CAST: variants seen among roughly 807,000 people sequenced by gnomAD.
CAST encodes calpastatin, also known as MIR583 host.
A neutral mutation model predicts 119.6 loss-of-function variants in CAST; 76 were observed. The observed-to-expected ratio is 0.64, with a 90% CI of 0.53 to 0.77. The LOEUF (loss-of-function observed/expected upper bound fraction) is 0.77, where lower values mean the gene tolerates loss of function less well. Ranked by LOEUF, CAST falls within the 30% of genes least tolerant of loss-of-function variation. The pLI is 0.00. For missense variants in CAST, 953 were observed against 946.5 expected, an observed-to-expected ratio of 1.01 and a Z score of -0.09; for synonymous variants, 319 against 331.6, an observed-to-expected ratio of 0.96 and a Z score of 0.41.
the CAST span, among the ~76,000 whole-genome samples, chr5:96,131,293 T>C: frequency 2.9e-3 from 444 of 152,180 alleles, 4 homozygotes; most frequent in African/African-American, 0.01. Flanking sequence ...AGTGTGATAG[T>C]ATTTTTAAAA....
At chr5:96,123,021 G>A in the CAST span, among the ~76,000 whole-genome samples, 1 of 152,084 alleles carries the variant, frequency 6.6e-6, no homozygotes, top group Non-Finnish European at 1.5e-5. Context: ...TCAGGATGTA[G>A]TAGGCATTCT....
At chr5:96,370,380 A>G in the CAST span, among the ~76,000 whole-genome samples, 2 of 152,132 alleles carry the variant, frequency 1.3e-5, no homozygotes, top group Non-Finnish European at 2.9e-5. Context: ...AAGCAGCTGT[A>G]ACAGGGTAGT....
the CAST span, chr5:96,422,047 T>C: frequency 3.5e-5 from 26 of 753,264 alleles, no homozygotes; most frequent in African/African-American, 5.5e-5. Flanking sequence ...TCTTACCCTA[T>C]GCCTTCCCAT....
the CAST span, among the ~76,000 whole-genome samples, chr5:96,316,878 G>T: frequency 6.6e-6 from 1 of 152,176 alleles, no homozygotes; most frequent in Non-Finnish European, 1.5e-5. Context: ...GTTTTACTCT[G>T]GCTCTTCTCA....
At chr5:96,264,674 T>C in the CAST span, among the ~76,000 whole-genome samples, 5 of 152,362 alleles carry the variant, frequency 3.3e-5, no homozygotes, top group East Asian at 9.6e-4. Context: ...TGAATATTCC[T>C]ATTCATCCTG....
At chr5:96,539,516 G>A (rs570053197) in intron 1 of CAST, among the ~76,000 whole-genome samples, 79 of 151,822 alleles carry the variant, frequency 5.2e-4, no homozygotes, top group African/African-American at 1.7e-3. Context: ...TTTAACCATC[G>A]CTTTTCATCC....
At chr5:96,585,668 AAAG>A (rs1365143777) in intron 1 of CAST, among the ~76,000 whole-genome samples, 1 of 152,220 alleles carries the variant, frequency 6.6e-6, no homozygotes, top group African/African-American at 2.4e-5. Context: ...GGGCTAACAG[AAAG>A]AAGGACATTG....
At chr5:96,318,283 C>A in the CAST span, among the ~76,000 whole-genome samples, 2 of 152,196 alleles carry the variant, frequency 1.3e-5, no homozygotes, top group Non-Finnish European at 2.9e-5. Context: ...CTCTCCAGTG[C>A]TGGAGTAGGC....
chr5:96,068,653 C>T, the CAST span, among the ~76,000 whole-genome samples: 7 of 149,160 alleles, frequency 4.7e-5, no homozygotes, highest in African/African-American at 1.7e-4. Context: ...TATGCACATG[C>T]CCAGTTAATT....
At chr5:96,397,308 G>C in the CAST span, 32 of 1,604,486 alleles carry the variant, frequency 2.0e-5, no homozygotes, top group South Asian at 3.5e-4. Flanking sequence ...GTAAGCTTGT[G>C]TTTTTTCATC....
the CAST span, among the ~76,000 whole-genome samples, chr5:96,253,658 C>A: frequency 6.6e-6 from 1 of 151,694 alleles, no homozygotes; most frequent in African/African-American, 2.4e-5. Flanking sequence ...TACATAAACA[C>A]TAAATATTAC....
chr5:96,502,701 G>A, the CAST span, among the ~76,000 whole-genome samples: 1 of 149,870 alleles, frequency 6.7e-6, no homozygotes, highest in African/African-American at 2.5e-5. Context: ...ATCTGCTTTT[G>A]GGGGTGAGGT....
intron 1 of CAST, among the ~76,000 whole-genome samples, chr5:96,549,572 T>G (rs1028960117): frequency 6.6e-6 from 1 of 151,928 alleles, no homozygotes; most frequent in African/African-American, 2.4e-5. Context: ...GGTGGGCGAG[T>G]GGAAGCAGGG....
the CAST span, chr5:96,400,046 G>A: frequency 1.2e-6 from 2 of 1,614,116 alleles, no homozygotes; most frequent in Admixed American, 1.7e-5. Context: ...CAGAGCTTTG[G>A]CATTTAGCAA....
the CAST span, among the ~76,000 whole-genome samples, chr5:96,511,363 C>T: frequency 6.6e-6 from 1 of 152,054 alleles, no homozygotes; most frequent in Admixed American, 6.5e-5. Flanking sequence ...AGGATGGTCT[C>T]GATCTCTTGA....
At chr5:96,259,807 C>T in the CAST span, among the ~76,000 whole-genome samples, 1 of 151,402 alleles carries the variant, frequency 6.6e-6, no homozygotes, top group East Asian at 1.9e-4. Flanking sequence ...ATTTCTTTAC[C>T]TTTTGTGGTG....
At chr5:96,021,554 T>C in the CAST span, among the ~76,000 whole-genome samples, 15 of 152,130 alleles carry the variant, frequency 9.9e-5, no homozygotes, top group African/African-American at 3.6e-4. Flanking sequence ...CATGCCATTC[T>C]CCTGCCTCAG....
the CAST span, among the ~76,000 whole-genome samples, chr5:96,411,833 A>G: frequency 6.6e-6 from 1 of 152,196 alleles, no homozygotes; most frequent in Non-Finnish European, 1.5e-5. Context: ...GTTTTGAGGC[A>G]GGGTCTCACT....
chr5:96,703,351 G>T (rs1459136737), intron 3 of CAST, among the ~76,000 whole-genome samples: 5 of 152,146 alleles, frequency 3.3e-5, no homozygotes, highest in Admixed American at 3.3e-4. Context: ...CCGCCACCCT[G>T]TGATGACCTC....
Sources: allele counts gnomAD v4.1 joint callset (sites outside exome capture counted in the v4.1 genomes callset), GRCh38; gene constraint gnomAD v4.1.1; transcripts MANE v1.5; gene names NCBI Gene and HGNC (gene_info 2026-07-23, HGNC 2026-07-21).